Variants in DHX57 observed in about 807,000 individuals in gnomAD.
DHX57 encodes DExH-box helicase 57.
A neutral mutation model predicts 156.2 loss-of-function variants in DHX57; 105 were observed. The ratio of observed to expected loss-of-function variants is 0.67; its 90% CI spans 0.57 to 0.79. The LOEUF (loss-of-function observed/expected upper bound fraction) is 0.79. Among genes scored for constraint, DHX57 ranks in the 30% least tolerant of loss-of-function variants. DHX57 has a pLI of 0.00. For synonymous variants in DHX57, 704 were observed against 595.6 expected (o/e 1.18, Z -2.65); for missense variants, 1,847 against 1,661.9 (o/e 1.11, Z -1.94).
At chr2:38,835,811 TG>T (rs1671623257) in intron 13 of DHX57, among the ~76,000 whole-genome samples, 1 of 152,174 alleles carries the variant, frequency 6.6e-6, no homozygotes. Flanking sequence ...TGTCCAGATG[TG>T]CATGACCTCA....
intron 14 of DHX57, 150 bp from the exon 15 acceptor site, chr2:38,826,839 G>T: frequency 1.1e-6 from 1 of 882,008 alleles, no homozygotes; most frequent in Non-Finnish European, 1.7e-6. Flanking sequence ...CTTCTACATA[G>T]TAAAGTCTTG....
intron 19 of DHX57, among the ~76,000 whole-genome samples, chr2:38,816,838 T>C (rs969527007): frequency 2.0e-5 from 3 of 152,178 alleles, no homozygotes; most frequent in Non-Finnish European, 2.9e-5. Flanking sequence ...AGTTGAAGTT[T>C]AGTGAAAAGA....
rs548483658 is a variant in DHX57, at chr2:38,861,193, G to A, written c.1217C>T (p.Pro406Leu). 6.2e-7 allele frequency: 1 copy of A among 1,614,120 alleles called. No individual in the cohort carries two copies. The highest frequency in any genetic ancestry group is 1.3e-5 in the African/African-American group (1 of 75,012). Residue 406 changes from proline (P) to leucine (L), a missense_variant, in exon 5 of 24, where the codon CCT becomes CTT. Coordinates refer to ENST00000457308, the MANE Select transcript of DHX57 (RefSeq NM_198963.3). Reference sequence around the variant, plus strand: ...AAGGGTTATCAAAGAATATACGACAGGTTCCGAAGTTTCCGCAAATGTCAA... The same window carrying A: ...AAGGGTTATCAAAGAATATACGACAAGTTCCGAAGTTTCCGCAAATGTCAA... ...KALTFAETSE[P>L]VVYSLITLLE...
intron 23 of DHX57, among the ~76,000 whole-genome samples, chr2:38,801,559 G>A (rs564451037): frequency 1.6e-3 from 234 of 147,372 alleles, no homozygotes; most frequent in African/African-American, 5.3e-3. Flanking sequence ...ACAGGCGCCC[G>A]CCACCACGCC....
intron 11 of DHX57, among the ~76,000 whole-genome samples, chr2:38,844,174 T>C (rs1174367897): frequency 6.6e-6 from 1 of 152,198 alleles, no homozygotes; most frequent in Admixed American, 6.5e-5. Context: ...ATGCCTATTT[T>C]GGACAAGGGA....
rs1671758758 is a variant in DHX57, at chr2:38,837,767, C to A, written c.2542+64G>T. On this transcript the variant is annotated intron_variant, in intron 13 of 23. Transcript: ENST00000457308. Reference sequence around the variant, plus strand: ...TGTAATTCAAGCACTCATGAATAGACTCCCATTTAGCCAAGGACTAAGTGT... The same window carrying A: ...TGTAATTCAAGCACTCATGAATAGAATCCCATTTAGCCAAGGACTAAGTGT... The A allele has an allele frequency of 5.1e-6, 5 of 972,154 alleles. No homozygotes were observed. In the South Asian group the frequency reaches 6.8e-5, roughly 13 times the overall value. 60.2% of individuals were successfully genotyped at this position (972,154 alleles called of 1,614,324 possible).
At chr2:38,817,276 CATT>C (rs1670594225) in intron 19 of DHX57, among the ~76,000 whole-genome samples, 1 of 152,006 alleles carries the variant, frequency 6.6e-6, no homozygotes, top group Admixed American at 6.6e-5. Flanking sequence ...TGCGTGCCAT[CATT>C]ATTTTGGCTT....
chr2:38,866,704 A>G (rs1665090447), intron 2 of DHX57, among the ~76,000 whole-genome samples: 1 of 152,164 alleles, frequency 6.6e-6, no homozygotes, highest in East Asian at 1.9e-4. Context: ...ATGAACATCT[A>G]CGGACTCCAA....
chr2:38,797,970 C>T lies in DHX57; in HGVS notation c.*329G>A, dbSNP rs778866527. On this transcript the variant is annotated 3_prime_UTR_variant, in exon 24 of 24. Transcript: ENST00000457308. ...AGTAAAAAGTAGGAGAAAAAGAATA[C>T]ACAGATTAAAACAGAATTGTATTAT... The T allele has an allele frequency of 4.5e-5, 9 of 200,810 alleles. No individual in the cohort carries two copies. Among genetic ancestry groups the T allele is most frequent in the East Asian group, 4.1e-4 (3 of 7,260 alleles). The allele number at this position is 200,810 out of a possible 1,614,324, so 12.4% of individuals were successfully genotyped here. A position where few individuals can be genotyped will look rare whatever the true frequency, so the allele number is the denominator to read the frequency against.
chr2:38,817,229 G>A (rs931692086), intron 19 of DHX57, among the ~76,000 whole-genome samples: 1 of 152,102 alleles, frequency 6.6e-6, no homozygotes, highest in Non-Finnish European at 1.5e-5. Context: ...ACTGCGCAGG[G>A]TCCCAAAATC....
chr2:38,825,538 G>A (rs1671044555), intron 16 of DHX57, among the ~76,000 whole-genome samples: 1 of 152,046 alleles, frequency 6.6e-6, no homozygotes, highest in Admixed American at 6.6e-5. Flanking sequence ...CCTGACCTCA[G>A]GTGATCCACC....
chr2:38,852,841 T>G (rs890512398), intron 9 of DHX57, among the ~76,000 whole-genome samples: 4 of 152,098 alleles, frequency 2.6e-5, no homozygotes, highest in Non-Finnish European at 5.9e-5. Flanking sequence ...AAAATCCACA[T>G]GCTTTATTAT....
intron 8 of DHX57, 96 bp downstream of exon 8, chr2:38,854,961 T>C: frequency 1.8e-6 from 2 of 1,128,174 alleles, no homozygotes; most frequent in South Asian, 1.3e-5. Context: ...TGAAAGTATA[T>C]ATCCCAAATT....
chr2:38,815,187 C>G (rs915271722), intron 20 of DHX57, among the ~76,000 whole-genome samples: 1 of 152,122 alleles, frequency 6.6e-6, no homozygotes, highest in Non-Finnish European at 1.5e-5. Flanking sequence ...CCACCTCACC[C>G]TCCCACATAG....
chr2:38,827,869 T>G (rs1286694530), intron 14 of DHX57, among the ~76,000 whole-genome samples: 1 of 152,076 alleles, frequency 6.6e-6, no homozygotes, highest in Non-Finnish European at 1.5e-5. Context: ...GAAGAGAATT[T>G]TTTTGAAACG....
At chr2:38,822,821 C>G (rs1670892641) in intron 17 of DHX57, among the ~76,000 whole-genome samples, 172 bp downstream of exon 17, 1 of 152,104 alleles carries the variant, frequency 6.6e-6, no homozygotes, top group Non-Finnish European at 1.5e-5. Flanking sequence ...TTTGTCTTTT[C>G]AGAAATTTAT....
chr2:38,828,172 A>G (rs887928290), intron 14 of DHX57, among the ~76,000 whole-genome samples, 168 bp downstream of exon 14: 1 of 152,172 alleles, frequency 6.6e-6, no homozygotes, highest in Non-Finnish European at 1.5e-5. Flanking sequence ...TTTCTTTAAT[A>G]AAAAGGGAAT....
At position 38,819,033 on chromosome 2, in the gene DHX57, T is replaced by G. The variant is rs750892415; in HGVS notation, c.3387+16A>C. On this transcript the variant is annotated intron_variant, in intron 18 of 23. Transcript: ENST00000457308. The stretch of plus-strand genomic sequence containing the variant: ...AACACTGGTAATAAAACTAAGCTAT[T>G]AGGTTATATACTTACCTTATACGCT... 6.2e-7 allele frequency: 1 copy of G among 1,613,934 alleles called. No individual in the cohort carries two copies. The highest frequency in any genetic ancestry group is 1.1e-5 in the South Asian group (1 of 91,070).
At chr2:38,826,493 T>C (rs1671091753) in intron 15 of DHX57, 23 bp downstream of exon 15, 1 of 1,608,414 alleles carries the variant, frequency 6.2e-7, no homozygotes, top group Non-Finnish European at 8.5e-7. Flanking sequence ...GCCCCTCTCT[T>C]ACATCACCAC....
Sources: gnomAD v4.1 joint callset for allele counts (sites outside exome capture counted in the v4.1 genomes callset) on GRCh38, gnomAD v4.1.1 for gene constraint, MANE v1.5 for transcripts, NCBI Gene and HGNC (gene_info 2026-07-23, HGNC 2026-07-21) for gene names.